The following ANKRD22 variants were observed in gnomAD, a reference collection of about 807,000 sequenced individuals.
ANKRD22 encodes ankyrin repeat domain-containing protein 22.
Under a neutral mutation model 25.7 loss-of-function variants are expected in ANKRD22, and 24 were observed. The observed-to-expected ratio is 0.93, with a 90% CI of 0.68 to 1.31. ANKRD22 has a LOEUF of 1.31. Ranked by LOEUF, ANKRD22 falls within the 50% of genes most tolerant of loss-of-function variation. The probability of loss-of-function intolerance (pLI) is 0.00; values close to 1 mark genes in which losing one functional copy is unlikely to be tolerated. For synonymous variants in ANKRD22, 84 were observed against 84.3 expected (o/e 1.00, Z 0.02); for missense variants, 214 against 227.1 (o/e 0.94, Z 0.37).
intron 1 of ANKRD22, among the ~76,000 whole-genome samples, chr10:88,847,614 C>T (rs1434215459): frequency 1.3e-5 from 2 of 151,992 alleles, no homozygotes; most frequent in Non-Finnish European, 2.9e-5. Context: ...TCCAATTTAT[C>T]CAAAAGCTTG....
rs575960707 is a variant in ANKRD22, at chr10:88,831,640, G to A, written c.213+195C>T. Among the ~76,000 whole-genome samples the A allele has an allele frequency of 5.3e-5, 8 of 152,276 alleles. No homozygotes were observed. The South Asian group carries it at 1.7e-3, about 32-fold the overall frequency. ...TTATCACAAATTATGCCTGCTGATT[G>A]AACTATGTTTTATTTTGCTGTTTAG... On this transcript the variant is annotated intron_variant, in intron 2 of 5. Coordinates refer to ENST00000371930, the MANE Select transcript of ANKRD22 (RefSeq NM_144590.3).
At chr10:88,844,599 G>T (rs1444839784) in intron 1 of ANKRD22, among the ~76,000 whole-genome samples, 1 of 151,966 alleles carries the variant, frequency 6.6e-6, no homozygotes, top group Non-Finnish European at 1.5e-5. Flanking sequence ...AAACATTACA[G>T]ATTTTTAATT....
intron 1 of ANKRD22, among the ~76,000 whole-genome samples, chr10:88,847,788 A>G (rs1844065521): frequency 6.6e-6 from 1 of 152,080 alleles, no homozygotes; most frequent in South Asian, 2.1e-4. Context: ...CAAAAAACAA[A>G]AAAAGACACA....
Position 88,826,023 on chromosome 10 carries a change from A to T in ANKRD22, c.399+15T>A, listed in dbSNP as rs753197979. 6.3e-7 allele frequency: 1 copy of T among 1,597,302 alleles called. No homozygotes were observed. The highest frequency in any genetic ancestry group is 1.1e-5 in the South Asian group (1 of 89,366). On this transcript the variant is annotated intron_variant, in intron 4 of 5. Coordinates refer to ENST00000371930, the MANE Select transcript of ANKRD22 (RefSeq NM_144590.3). Reference sequence around the variant, plus strand: ...TTTGAATATTTTTTCAAAATGGCTAAAAGTATAAACTTACACAATCTGTAG... The same window carrying T: ...TTTGAATATTTTTTCAAAATGGCTATAAGTATAAACTTACACAATCTGTAG...
chr10:88,845,426 C>T (rs775184500), intron 1 of ANKRD22, among the ~76,000 whole-genome samples: 5 of 152,164 alleles, frequency 3.3e-5, no homozygotes, highest in Non-Finnish European at 5.9e-5. Flanking sequence ...ATCTCTTGCC[C>T]GAGCCTCTCC....
intron 1 of ANKRD22, among the ~76,000 whole-genome samples, chr10:88,847,507 C>T (rs1462124474): frequency 2.0e-5 from 3 of 152,144 alleles, no homozygotes; most frequent in African/African-American, 7.2e-5. Context: ...GATCCACCTG[C>T]CTCAGCTTCC....
chr10:88,831,782 G>A, intron 2 of ANKRD22, 53 bp downstream of exon 2: 1 of 1,485,554 alleles, frequency 6.7e-7, no homozygotes. Flanking sequence ...GTGATTCAAA[G>A]AGAAAAGAAT....
intron 1 of ANKRD22, among the ~76,000 whole-genome samples, chr10:88,844,139 T>A (rs571722703): frequency 6.6e-6 from 1 of 152,132 alleles, no homozygotes; most frequent in Admixed American, 6.6e-5. Context: ...CAGGTAACTT[T>A]CAGGAGGAAG....
In ANKRD22 at chr10:88,851,455, T is replaced by C. The variant is rs1216653347; in HGVS notation, c.21+132A>G. 4.4e-6 allele frequency: 4 copies of C among 900,176 alleles called. No individual in the cohort carries two copies. In the African/African-American group the frequency reaches 6.7e-5, roughly 15 times the overall value. The allele number at this position is 900,176 out of a possible 1,614,324, so 55.8% of individuals were successfully genotyped here. ...GAATAACACATAGGACTTTATTTTT[T>C]CTGACTTAATGCTCCCCCAGGGAGT... On this transcript the variant is annotated intron_variant, in intron 1 of 5. Coordinates refer to ENST00000371930, the MANE Select transcript of ANKRD22 (RefSeq NM_144590.3).
intron 1 of ANKRD22, among the ~76,000 whole-genome samples, chr10:88,844,390 T>C (rs1844029524): frequency 6.6e-6 from 1 of 152,158 alleles, no homozygotes; most frequent in Admixed American, 6.6e-5. Flanking sequence ...ACCTTCAGTT[T>C]AGAAAGTTAG....
chr10:88,831,285 T>C (rs1292138451), intron 2 of ANKRD22, among the ~76,000 whole-genome samples: 2 of 152,218 alleles, frequency 1.3e-5, no homozygotes, highest in Non-Finnish European at 2.9e-5. Flanking sequence ...GTAGCTAATA[T>C]TGCATCTTTA....
At position 88,845,300 on chromosome 10, in the gene ANKRD22, A is replaced by G. The variant is rs926613748; in HGVS notation, c.21+6287T>C. Among the ~76,000 whole-genome samples the G allele has an allele frequency of 5.3e-5, 8 of 152,090 alleles. No homozygotes were observed. The East Asian group carries it at 1.5e-3, about 29-fold the overall frequency. ...ATTGCCTTCCTTCTCTGGCAAGACC[A>G]TACCTTCCTACAATGACCTGGTATC... On this transcript the variant is annotated intron_variant, in intron 1 of 5. Coordinates refer to ENST00000371930, the MANE Select transcript of ANKRD22 (RefSeq NM_144590.3).
intron 2 of ANKRD22, among the ~76,000 whole-genome samples, chr10:88,829,295 C>T (rs967259522): frequency 2.0e-5 from 3 of 152,062 alleles, no homozygotes; most frequent in African/African-American, 7.2e-5. Flanking sequence ...ATTGGAATAC[C>T]AATCAAATCA....
At chr10:88,841,881 C>G (rs1844006405) in intron 1 of ANKRD22, among the ~76,000 whole-genome samples, 1 of 152,120 alleles carries the variant, frequency 6.6e-6, no homozygotes, top group African/African-American at 2.4e-5. Flanking sequence ...AAGCCTTCTC[C>G]TTGCATTCCC....
chr10:88,825,951 A>T, intron 4 of ANKRD22, 87 bp downstream of exon 4: 1 of 1,141,318 alleles, frequency 8.8e-7, no homozygotes, highest in Non-Finnish European at 1.2e-6. Flanking sequence ...TGTCTAGGAA[A>T]ATAAAGCAAC....
rs1430391353 is a variant in ANKRD22, at chr10:88,831,942, C to A, written c.106G>T (p.Asp36Tyr). The change falls in exon 2 of 6, where the codon GAT becomes TAT. Residue 36 changes from aspartate (D) to tyrosine (Y), a missense_variant. Transcript: ENST00000371930. Reference protein sequence around the residue: ...KEDSSYANVQDGFNGDTPLIC... With the variant: ...KEDSSYANVQYGFNGDTPLIC... ...AGGGGCGTGTCTCCATTAAAGCCAT[C>A]TTGAACGTTGGCATAGCTGCTGTCT... is the stretch of plus-strand genomic sequence containing the variant. 2 of 1,614,012 alleles carry A rather than the reference C, an allele frequency of 1.2e-6. No homozygotes were observed. Among genetic ancestry groups the A allele is most frequent in the South Asian group, 1.1e-5 (1 of 91,072 alleles).
At chr10:88,847,064 C>G (rs1844055674) in intron 1 of ANKRD22, among the ~76,000 whole-genome samples, 1 of 152,128 alleles carries the variant, frequency 6.6e-6, no homozygotes, top group Non-Finnish European at 1.5e-5. Flanking sequence ...GTTTCATGAT[C>G]AGCATACCAT....
chr10:88,837,106 A>C (rs1402831367), intron 1 of ANKRD22, among the ~76,000 whole-genome samples: 1 of 152,186 alleles, frequency 6.6e-6, no homozygotes, highest in Non-Finnish European at 1.5e-5. Context: ...TTTGTAGGCA[A>C]AGTGGTGTCA....
chr10:88,823,231 A>G, intron 5 of ANKRD22, 49 bp downstream of exon 5: 1 of 1,489,978 alleles, frequency 6.7e-7, no homozygotes, highest in Non-Finnish European at 9.4e-7. Context: ...CCTAGATTAG[A>G]AGATGCTGCT....
Sources: allele counts gnomAD v4.1 joint callset (sites outside exome capture counted in the v4.1 genomes callset), GRCh38; gene constraint gnomAD v4.1.1; transcripts MANE v1.5; gene names NCBI Gene and HGNC (gene_info 2026-07-23, HGNC 2026-07-21).